The following EBF3 variants were observed in gnomAD, a reference collection of about 807,000 sequenced individuals.
The protein encoded by EBF3 is transcription factor COE3.
A neutral mutation model predicts 77.1 loss-of-function variants in EBF3; 18 were observed. The ratio of observed to expected loss-of-function variants is 0.23; its 90% CI spans 0.16 to 0.35. The LOEUF (loss-of-function observed/expected upper bound fraction) is 0.35, where lower values mean the gene tolerates loss of function less well. Among genes scored for constraint, EBF3 ranks in the 10% least tolerant of loss-of-function variants. The pLI, the probability that EBF3 is intolerant of heterozygous loss-of-function variation, is 1.00. For missense variants in EBF3, 558 were observed against 860.0 expected (o/e 0.65, Z 4.39); for synonymous variants, 350 against 343.5 (o/e 1.02, Z -0.21).
intron 6 of EBF3, among the ~76,000 whole-genome samples, chr10:129,942,365 C>T (rs1434843356): frequency 6.6e-6 from 1 of 152,096 alleles, no homozygotes; most frequent in Admixed American, 6.5e-5. Flanking sequence ...ATCACAAAAA[C>T]AAGAAGGGTG....
At chr10:129,860,945 G>A (rs537082885) in intron 10 of EBF3, among the ~76,000 whole-genome samples, 1 of 152,334 alleles carries the variant, frequency 6.6e-6, no homozygotes, top group South Asian at 2.1e-4. Flanking sequence ...TCTAGTAAAT[G>A]GGTGTCACTG....
intron 4 of EBF3, among the ~76,000 whole-genome samples, chr10:129,960,363 CGCG>C (rs1229615753): frequency 1.3e-5 from 2 of 152,158 alleles, no homozygotes; most frequent in Non-Finnish European, 2.9e-5. Flanking sequence ...GAAGGTTCCC[CGCG>C]AACCCCGCTC....
intron 4 of EBF3, among the ~76,000 whole-genome samples, chr10:129,959,566 G>T (rs969240110): frequency 6.6e-6 from 1 of 151,956 alleles, no homozygotes; most frequent in Non-Finnish European, 1.5e-5. Context: ...GCGCTCCCCC[G>T]GCTCTAGCAA....
At position 129,840,988 on chromosome 10, in the gene EBF3, C is replaced by T. The variant is rs150680609; in HGVS notation, c.1417G>A (p.Val473Ile). Residue 473 changes from valine to isoleucine, a missense_variant, in exon 14 of 17, where the codon GTC (valine) becomes ATC (isoleucine). Physicochemically the swap from Val to Ile is conservative, Grantham distance 29. This residue lies in a region of EBF3 where 284 missense variants were observed against 368.3 expected (regional missense o/e 0.77). Transcript: ENST00000440978. The part of the protein sequence containing the change: ...NTSSVSPRGY[V>I]PSSTPQQSNY... ...GACTGCTGGGGAGTACTGCTGGGGA[C>T]GTAGCCTCGCGGGGACACGCTGCTT... 1.4e-5 allele frequency: 23 copies of T among 1,611,914 alleles called. No individual in the cohort carries two copies. Among genetic ancestry groups the T allele is most frequent in the Middle Eastern group, 1.7e-4 (1 of 5,998 alleles).
At chr10:129,899,180 C>G (rs917786024) in intron 6 of EBF3, among the ~76,000 whole-genome samples, 1 of 152,252 alleles carries the variant, frequency 6.6e-6, no homozygotes, top group African/African-American at 2.4e-5. Context: ...ACATTGTGAG[C>G]TTCTGATAGC....
In EBF3 at chr10:129,848,739, C is replaced by T. The variant is rs11016975; in HGVS notation, c.1040-259G>A. Among the ~76,000 whole-genome samples the T allele has an allele frequency of 6.6e-6, 1 of 152,158 alleles. No homozygotes were observed. The highest frequency in any genetic ancestry group is 2.4e-5 in the African/African-American group (1 of 41,446). ...TCAATATATTGTAAAAATGGTAGTG[C>T]AGTCACAAAGTTACAGGTCTTGGGG... On this transcript the variant is annotated intron_variant, in intron 10 of 16. Transcript: ENST00000440978. The surrounding 1 kb of genome is among the most constrained non-coding windows in gnomAD (Gnocchi z 4.4).
rs1045191161 is a variant in EBF3 at position 129,897,566 on chromosome 10, C to G, written c.555-19717G>C. ...GAAAATACAGAGGAAACCCAGCACACGACCCTTTTATCCGAGAGGCGAAGC... is the reference window on the plus strand; with the variant it reads ...GAAAATACAGAGGAAACCCAGCACAGGACCCTTTTATCCGAGAGGCGAAGC... On this transcript the variant is annotated intron_variant, in intron 6 of 16. Transcript: ENST00000440978. This position sits in a 1 kb window ranked among gnomAD's most constrained non-coding sequence, Gnocchi z 4.6. Among the ~76,000 whole-genome samples the G allele has an allele frequency of 5.9e-5, 9 of 152,078 alleles. No individual in the cohort carries two copies. Among genetic ancestry groups the G allele is most frequent in the Admixed American group, 5.9e-4 (9 of 15,274 alleles).
chr10:129,891,882 A>T (rs949243903), intron 6 of EBF3, among the ~76,000 whole-genome samples: 19 of 152,236 alleles, frequency 1.2e-4, no homozygotes, highest in African/African-American at 4.1e-4. Flanking sequence ...AGAAATATCT[A>T]AAAGTGACAG....
intron 6 of EBF3, among the ~76,000 whole-genome samples, chr10:129,889,268 G>C (rs958632508): frequency 6.6e-6 from 1 of 152,216 alleles, no homozygotes; most frequent in East Asian, 1.9e-4. Context: ...AGAGAGCATG[G>C]GGGCCAAAGG....
At chr10:129,892,150 G>A (rs1282950402) in intron 6 of EBF3, among the ~76,000 whole-genome samples, 1 of 152,212 alleles carries the variant, frequency 6.6e-6, no homozygotes, top group Non-Finnish European at 1.5e-5. Flanking sequence ...ATGATCCCGG[G>A]TCTCTCCCCG....
intron 6 of EBF3, among the ~76,000 whole-genome samples, chr10:129,918,646 T>TCCCCAGCTCCCTG (rs771236872): frequency 7.2e-5 from 11 of 151,986 alleles, no homozygotes; most frequent in Non-Finnish European, 1.5e-4. Flanking sequence ...CCTACCCCCC[T>TCCCCAGCTCCCTG]CCCCAGCTCC....
chr10:129,876,885 A>ACCCCCCACCCCCCCC (rs1852812376), intron 7 of EBF3, among the ~76,000 whole-genome samples: 1 of 42,368 alleles, frequency 2.4e-5, no homozygotes, highest in Non-Finnish European at 4.4e-5. Context: ...TCATCCCTGA[A>ACCCCCCACCCCCCCC]CCCCCCCCCC....
chr10:129,918,477 G>A (rs747022496), intron 6 of EBF3, among the ~76,000 whole-genome samples: 54 of 152,370 alleles, frequency 3.5e-4, no homozygotes, highest in Non-Finnish European at 6.8e-4. Context: ...AGACTAAAGA[G>A]GATCGGGGAG....
chr10:129,953,524 T>C (rs1003580817), intron 6 of EBF3, among the ~76,000 whole-genome samples: 4 of 152,092 alleles, frequency 2.6e-5, no homozygotes, highest in Admixed American at 6.6e-5. Context: ...CCCAACTCTA[T>C]AGACTAATGC....
At chr10:129,893,818 C>CT (rs1854183910) in intron 6 of EBF3, among the ~76,000 whole-genome samples, 1 of 152,246 alleles carries the variant, frequency 6.6e-6, no homozygotes, top group Non-Finnish European at 1.5e-5. Context: ...GGAACGTCTG[C>CT]TGAGGTCAAC....
intron 6 of EBF3, among the ~76,000 whole-genome samples, chr10:129,888,201 C>A (rs1853751549): frequency 6.6e-6 from 1 of 152,230 alleles, no homozygotes; most frequent in African/African-American, 2.4e-5. Context: ...CGGGGAGCAG[C>A]ACCCGCTATG....
At chr10:129,860,821 G>A (rs1458162115) in intron 10 of EBF3, among the ~76,000 whole-genome samples, 2 of 152,206 alleles carry the variant, frequency 1.3e-5, no homozygotes, top group African/African-American at 2.4e-5. Context: ...GTTGATGCAT[G>A]CCTATGATCC....
intron 6 of EBF3, among the ~76,000 whole-genome samples, chr10:129,937,639 G>A (rs1420316570): frequency 2.0e-5 from 3 of 152,110 alleles, no homozygotes; most frequent in Non-Finnish European, 4.4e-5. Flanking sequence ...TCCAGTCCCC[G>A]CCCCGTGCCC....
In EBF3 at chr10:129,842,998, G is replaced by T; in HGVS notation, c.1194+139C>A. 3 of 766,986 alleles carry T rather than the reference G, an allele frequency of 3.9e-6. No individual in the cohort carries two copies. The highest frequency in any genetic ancestry group is 2.7e-5 in the East Asian group (1 of 36,756). 47.5% of individuals were successfully genotyped at this position (766,986 alleles called of 1,614,324 possible). ...CCTAGCGTGAGGGCAAGGATGGGAA[G>T]CCATTCTCACATCAGACTCCTGTGG... On this transcript the variant is annotated intron_variant, in intron 12 of 16. Coordinates refer to ENST00000440978, the MANE Select transcript of EBF3 (RefSeq NM_001375380.1). The surrounding 1 kb of genome is among the most constrained non-coding windows in gnomAD (Gnocchi z 4.4).
Sources: gnomAD v4.1 joint callset for allele counts (sites outside exome capture counted in the v4.1 genomes callset) on GRCh38, gnomAD v4.1.1 for gene constraint, gnomAD v4.1.1 regional missense constraint, Gnocchi (gnomAD v3.1) non-coding constraint, MANE v1.5 for transcripts, NCBI Gene and HGNC (gene_info 2026-07-23, HGNC 2026-07-21) for gene names.